Variants in PTK2 observed in about 807,000 individuals in gnomAD.
PTK2 encodes protein tyrosine kinase 2.
In PTK2, 45 loss-of-function variants were observed where a neutral mutation model predicts 150.1. That is an observed-to-expected ratio of 0.30 (90% CI 0.24 to 0.38). The LOEUF (loss-of-function observed/expected upper bound fraction) is 0.38, where lower values mean the gene tolerates loss of function less well. PTK2 is among the 10% of genes least tolerant of loss of function. The pLI is 1.00. For synonymous variants in PTK2, 432 were observed against 449.2 expected (o/e 0.96, Z 0.48); for missense variants, 919 against 1,307.3 (o/e 0.70, Z 4.58).
intron 16 of PTK2, among the ~76,000 whole-genome samples, chr8:140,752,584 A>T (rs546476001): frequency 6.6e-6 from 1 of 152,376 alleles, no homozygotes; most frequent in East Asian, 1.9e-4. Context: ...GGCTGGTACT[A>T]TTCTAAGTGC....
At chr8:140,674,701 T>C (rs1429185533) in intron 28 of PTK2, among the ~76,000 whole-genome samples, 1 of 150,592 alleles carries the variant, frequency 6.6e-6, no homozygotes, top group African/African-American at 2.4e-5. Flanking sequence ...ATCGTGCCAT[T>C]GCACTCTAGC....
chr8:140,699,187 A>G (rs2100028721), intron 26 of PTK2, among the ~76,000 whole-genome samples: 1 of 152,150 alleles, frequency 6.6e-6, no homozygotes, highest in Non-Finnish European at 1.5e-5. Context: ...TTTAACACAA[A>G]GTTAGTGTCA....
chr8:140,861,326 G>GCA (rs2100135956), intron 5 of PTK2, among the ~76,000 whole-genome samples: 1 of 152,126 alleles, frequency 6.6e-6, no homozygotes, highest in African/African-American at 2.4e-5. Flanking sequence ...TCCAGACTGG[G>GCA]CAACAGAGCA....
chr8:140,767,472 G>A (rs1254369416), intron 14 of PTK2, among the ~76,000 whole-genome samples: 2 of 152,056 alleles, frequency 1.3e-5, no homozygotes, highest in East Asian at 1.9e-4. Context: ...GGTAATATCT[G>A]GTGTATATTT....
At chr8:140,930,524 T>G (rs987444604) in intron 1 of PTK2, among the ~76,000 whole-genome samples, 2 of 152,224 alleles carry the variant, frequency 1.3e-5, no homozygotes, top group African/African-American at 2.4e-5. Context: ...TTCCCTCTTA[T>G]GTACTCTTTC....
intron 23 of PTK2, 129 bp from the exon 27 acceptor site, chr8:140,706,334 T>C: frequency 3.1e-6 from 2 of 644,160 alleles, no homozygotes; most frequent in Non-Finnish European, 5.4e-6. Flanking sequence ...GCTAAGACAT[T>C]TCAATAGGGA....
intron 14 of PTK2, among the ~76,000 whole-genome samples, chr8:140,773,937 G>C (rs2100076986): frequency 6.6e-6 from 1 of 152,102 alleles, no homozygotes; most frequent in Non-Finnish European, 1.5e-5. Context: ...CCATACTCCT[G>C]CCTCTCTGGG....
At chr8:140,878,843 G>T (rs1293501344) in intron 4 of PTK2, among the ~76,000 whole-genome samples, 1 of 118,598 alleles carries the variant, frequency 8.4e-6, no homozygotes, top group African/African-American at 3.3e-5. Context: ...TTGCTTAGTA[G>T]TAAAAAAAAA....
At chr8:140,885,377 C>G (rs1442213381) in intron 3 of PTK2, among the ~76,000 whole-genome samples, 2 of 152,160 alleles carry the variant, frequency 1.3e-5, no homozygotes, top group African/African-American at 4.8e-5. Context: ...GGCTGTTTGC[C>G]TGCTAGACAC....
chr8:140,867,803 A>G (rs1393428965), intron 4 of PTK2, among the ~76,000 whole-genome samples: 1 of 152,224 alleles, frequency 6.6e-6, no homozygotes, highest in Non-Finnish European at 1.5e-5. Flanking sequence ...AGCATATTTC[A>G]CACAAAACTC....
chr8:140,678,450 G>A (rs889288407), intron 27 of PTK2, among the ~76,000 whole-genome samples: 1 of 152,190 alleles, frequency 6.6e-6, no homozygotes, highest in Non-Finnish European at 1.5e-5. Context: ...GGGCTCAAGT[G>A]ATGCTCCTGC....
intron 2 of PTK2, among the ~76,000 whole-genome samples, chr8:140,899,212 T>C (rs2100157491): frequency 1.3e-5 from 2 of 152,310 alleles, no homozygotes; most frequent in South Asian, 2.1e-4. Context: ...TCCTTGAATC[T>C]GGGTGGGCTT....
intron 1 of PTK2, among the ~76,000 whole-genome samples, chr8:141,000,727 T>C (rs2100199851): frequency 7.5e-6 from 1 of 134,110 alleles, no homozygotes; most frequent in African/African-American, 2.8e-5. Context: ...AGCCTTTCTG[T>C]CTTCCCCGAA....
chr8:140,844,281 A>G lies in PTK2; in HGVS notation c.593+1979T>C, dbSNP rs1043853205. ...TTCACTGTAAAATTACTTTTTCCCC[A>G]CACTTCCTTTCCTTATTATACTCTT... On this transcript the variant is annotated intron_variant, in intron 7 of 31. Transcript: ENST00000522684. Among the ~76,000 whole-genome samples the G allele has an allele frequency of 2.0e-5, 3 of 152,072 alleles. No homozygotes were observed. In the East Asian group the frequency reaches 5.8e-4, roughly 29 times the overall value.
At chr8:140,869,951 T>A (rs147237854) in intron 4 of PTK2, among the ~76,000 whole-genome samples, 1 of 152,212 alleles carries the variant, frequency 6.6e-6, no homozygotes, top group East Asian at 1.9e-4. Flanking sequence ...TATATGTGTA[T>A]AATATATACA....
intron 1 of PTK2, among the ~76,000 whole-genome samples, chr8:140,990,871 A>T (rs1233138370): frequency 1.3e-5 from 2 of 152,082 alleles, no homozygotes; most frequent in Non-Finnish European, 2.9e-5. Flanking sequence ...TATATTCCTC[A>T]ATTATCAACA....
intron 2 of PTK2, among the ~76,000 whole-genome samples, chr8:140,921,650 A>C (rs1237250582): frequency 6.6e-6 from 1 of 152,196 alleles, no homozygotes; most frequent in Non-Finnish European, 1.5e-5. Flanking sequence ...AACTCTCTCG[A>C]AAACATAAAA....
rs147508607 is a variant in PTK2 at position 140,734,707 on chromosome 8, G to A, written c.2030+544C>T. ...TAAAAACAGAAGTATTCAAAAGGTG[G>A]CAAAGGAGTAATTCTCTCTTTCGGG... On this transcript the variant is annotated intron_variant, in intron 22 of 31. Coordinates refer to ENST00000522684, the Ensembl canonical transcript of PTK2. 2,945 of 516,450 alleles carry A rather than the reference G, an allele frequency of 5.7e-3. 13 individuals carry two copies. Among genetic ancestry groups the A allele is most frequent in the Middle Eastern group, 8.3e-3 (26 of 3,140 alleles). The allele number at this position is 516,450 out of a possible 1,614,324, so 32.0% of individuals were successfully genotyped here.
chr8:140,707,609 T>C (rs1655423734), intron 23 of PTK2, among the ~76,000 whole-genome samples: 1 of 152,162 alleles, frequency 6.6e-6, no homozygotes, highest in Non-Finnish European at 1.5e-5. Flanking sequence ...TTTGCCATGT[T>C]GGCCAGGCTG....
Sources: allele counts gnomAD v4.1 joint callset (sites outside exome capture counted in the v4.1 genomes callset), GRCh38; gene constraint gnomAD v4.1.1; transcripts MANE v1.5; gene names NCBI Gene and HGNC (gene_info 2026-07-23, HGNC 2026-07-21).